NUFIP2: variants seen among roughly 807,000 people sequenced by gnomAD.
NUFIP2 encodes FMR1-interacting protein NUFIP2.
NUFIP2 carries 6 observed loss-of-function variants against 56.9 expected under a neutral mutation model. The observed-to-expected ratio is 0.11, with a 90% CI of 0.06 to 0.21. NUFIP2 has a LOEUF of 0.21. NUFIP2 is among the 10% of genes least tolerant of loss of function. The pLI is 1.00. For missense variants in NUFIP2, 828 were observed against 826.8 expected (o/e 1.00, Z -0.02); for synonymous variants, 321 against 298.2 (o/e 1.08, Z -0.79).
At chr17:29,272,051 C>A (rs1232201953) in intron 2 of NUFIP2, among the ~76,000 whole-genome samples, 1 of 102,044 alleles carries the variant, frequency 9.8e-6, no homozygotes, top group Non-Finnish European at 1.8e-5. Flanking sequence ...CCAGCTTGGG[C>A]AACAGAGTGA....
Position 29,287,593 on chromosome 17 carries a change from C to A in NUFIP2, c.401G>T (p.Ser134Ile). 6.2e-7 allele frequency: 1 copy of A among 1,614,088 alleles called. No individual in the cohort carries two copies. The highest frequency in any genetic ancestry group is 8.5e-7 in the Non-Finnish European group (1 of 1,180,026). ...LNGNQQVVDT[S>I]LKQTVKANTF... ...GTTGGCCTTTACAGTCTGCTTCAGG[C>A]TAGTGTCTACAACTTGCTGGTTGCC... The change falls in exon 2 of 4, where the codon AGC (serine) becomes ATC (isoleucine). Residue 134 changes from serine to isoleucine, a missense_variant. Transcript: ENST00000225388.
Position 29,260,659 on chromosome 17 carries a change from T to G in NUFIP2, c.*3880A>C, listed in dbSNP as rs909661953. On this transcript the variant is annotated 3_prime_UTR_variant, in exon 4 of 4. Coordinates refer to ENST00000225388, the MANE Select transcript of NUFIP2 (RefSeq NM_020772.3). ...AAGCAACAAGCCTAACAACCAAGTA[T>G]GATATTATCACTATGTAATGTTTTT... 2.0e-5 allele frequency: 3 copies of G among 152,212 alleles called. No homozygotes were observed. Among genetic ancestry groups the G allele is most frequent in the African/African-American group, 7.2e-5 (3 of 41,472 alleles). 9.4% of individuals were successfully genotyped at this position (152,212 alleles called of 1,614,324 possible).
In NUFIP2 at chr17:29,257,516, A is replaced by T. The variant is rs541674484; in HGVS notation, c.*7023T>A. 1 of 151,970 alleles carries T rather than the reference A, an allele frequency of 6.6e-6. No homozygotes were observed. Among genetic ancestry groups the T allele is most frequent in the East Asian group, 1.9e-4 (1 of 5,188 alleles). The allele number at this position is 151,970 out of a possible 1,614,324, so 9.4% of individuals were successfully genotyped here. A position where few individuals can be genotyped will look rare whatever the true frequency, so the allele number is the denominator to read the frequency against. On this transcript the variant is annotated 3_prime_UTR_variant, in exon 4 of 4. Transcript: ENST00000225388. ...ACAAGTCACATTAGGGAAAATTCAG[A>T]TCTTTTTTTTTTTTAATGACAAGAA...
In NUFIP2 at chr17:29,286,115, G is replaced by C. The variant is rs1299135868; in HGVS notation, c.1879C>G (p.Leu627Val). ...KDYEIESQNP[L>V]ASPTNTLLGS... ...AACAAAGTGTTCGTAGGAGAGGCCAGAGGATTTTGACTTTCTATCTCGTAG... is the reference window on the plus strand; with the variant it reads ...AACAAAGTGTTCGTAGGAGAGGCCACAGGATTTTGACTTTCTATCTCGTAG... The change falls in exon 2 of 4, where the codon CTG (leucine) becomes GTG (valine). Residue 627 changes from leucine to valine, a missense_variant. Coordinates refer to ENST00000225388, the MANE Select transcript of NUFIP2 (RefSeq NM_020772.3). 22 of 1,614,022 alleles carry C rather than the reference G, an allele frequency of 1.4e-5. No individual in the cohort carries two copies. The highest frequency in any genetic ancestry group is 1.9e-5 in the Non-Finnish European group (22 of 1,180,006).
intron 1 of NUFIP2, 61 bp downstream of exon 1, chr17:29,293,722 C>A: frequency 1.6e-6 from 2 of 1,287,910 alleles, no homozygotes; most frequent in Admixed American, 4.8e-5. Flanking sequence ...TCCAGCCCCA[C>A]CCCCATCTCT....
At chr17:29,275,319 T>C (rs7218403) in intron 2 of NUFIP2, among the ~76,000 whole-genome samples, 33,919 of 151,928 alleles carry the variant, frequency 0.22, 4,205 homozygotes, top group South Asian at 0.35. Context: ...CCACCATACC[T>C]GGCCTCTGAA....
In NUFIP2 at chr17:29,261,410, ATAAACACACAC is replaced by A. The variant is rs1567674051; in HGVS notation, c.*3118_*3128del. 3.4e-5 allele frequency: 5 copies of A among 147,464 alleles called. No homozygotes were observed. Among genetic ancestry groups the A allele is most frequent in the African/African-American group, 1.3e-4 (5 of 38,948 alleles). The allele number at this position is 147,464 out of a possible 1,614,324, so 9.1% of individuals were successfully genotyped here. A position where few individuals can be genotyped will look rare whatever the true frequency, so the allele number is the denominator to read the frequency against. On this transcript the variant is annotated 3_prime_UTR_variant, in exon 4 of 4. Transcript: ENST00000225388. Reference sequence around the variant, plus strand: ...TCCTCACACACACATACATACATACATAAACACACACACACACACACACCCCTTTTTCAGTC... The same window carrying A: ...TCCTCACACACACATACATACATACAACACACACACACCCCTTTTTCAGTC...
At chr17:29,265,655 T>C (rs1186503631) in intron 3 of NUFIP2, among the ~76,000 whole-genome samples, 2 of 143,264 alleles carry the variant, frequency 1.4e-5, no homozygotes, top group East Asian at 2.0e-4. Context: ...ATTATATATA[T>C]ACACACACAT....
chr17:29,264,641 G>T, intron 3 of NUFIP2, 50 bp from the exon 4 acceptor site: 1 of 1,169,130 alleles, frequency 8.6e-7, no homozygotes. Context: ...ATCTCAAAAT[G>T]CCCGTATTCC....
rs114766423 is a variant in NUFIP2 at position 29,294,016 on chromosome 17, C to G, written c.44G>C (p.Ser15Thr). ...PGQPQPQHHH[S>T]HHHPHHHPQQ... ...AGGGTGATGGTGCGGATGGTGGTGG[C>G]TGTGATGGTGCTGAGGCTGTGGCTG... Residue 15 changes from serine (S) to threonine (T), a missense_variant, in exon 1 of 4, where the codon AGC becomes ACC. Around this residue, in one of 3 missense-constraint regions of NUFIP2, gnomAD observed 415 missense variants for 408.7 expected, o/e 1.02. Coordinates refer to ENST00000225388, the MANE Select transcript of NUFIP2 (RefSeq NM_020772.3). 4.3e-6 allele frequency: 7 copies of G among 1,612,076 alleles called. No homozygotes were observed. The highest frequency in any genetic ancestry group is 1.7e-5 in the Admixed American group (1 of 59,926).
intron 2 of NUFIP2, among the ~76,000 whole-genome samples, chr17:29,271,515 C>T (rs1048838709): frequency 1.5e-4 from 22 of 148,230 alleles, no homozygotes; most frequent in South Asian, 1.3e-3. Context: ...CCAGCCTGGG[C>T]GAAAGAGCAA....
chr17:29,269,378 A>G (rs2069058005), intron 2 of NUFIP2, among the ~76,000 whole-genome samples: 2 of 152,176 alleles, frequency 1.3e-5, no homozygotes, highest in Non-Finnish European at 2.9e-5. Flanking sequence ...GTAGGACAAA[A>G]TAAGATACAG....
chr17:29,292,779 C>T (rs1213146816), intron 1 of NUFIP2, among the ~76,000 whole-genome samples: 1 of 149,464 alleles, frequency 6.7e-6, no homozygotes, highest in African/African-American at 2.4e-5. Flanking sequence ...CCGCTCCCCT[C>T]GTGGCCGCTT....
rs140720517 is a variant in NUFIP2, at chr17:29,280,065, G to A, written c.2002+5927C>T. On this transcript the variant is annotated intron_variant, in intron 2 of 3. Transcript: ENST00000225388. ...ACTCCTGACCTCAGGTGATCCACCC[G>A]CCTCAGCCTCCCAACGTGCTGGGAT... 8.2e-4 allele frequency among the ~76,000 whole-genome samples: 125 copies of A among 152,192 alleles called. No homozygotes were observed. The South Asian group carries it at 0.013, about 15-fold the overall frequency.
chr17:29,294,146 T>G lies in NUFIP2; in HGVS notation c.-87A>C, dbSNP rs977060704. 97 of 1,459,328 alleles carry G rather than the reference T, an allele frequency of 6.6e-5. No homozygotes were observed. Among genetic ancestry groups the G allele is most frequent in the Non-Finnish European group, 8.3e-5 (91 of 1,097,684 alleles). The allele number at this position is 1,459,328 out of a possible 1,614,324, so 90.4% of individuals were successfully genotyped here. A position where few individuals can be genotyped will look rare whatever the true frequency, so the allele number is the denominator to read the frequency against. On this transcript the variant is annotated 5_prime_UTR_variant, in exon 1 of 4. Coordinates refer to ENST00000225388, the MANE Select transcript of NUFIP2 (RefSeq NM_020772.3). ...TGCTTCTCAGGGCTCACTCAGTATA[T>G]CTGAGCGCGTCTCGCCAGCGCACTG...
intron 1 of NUFIP2, among the ~76,000 whole-genome samples, chr17:29,292,674 C>A (rs2153013120): frequency 6.7e-6 from 1 of 149,678 alleles, no homozygotes; most frequent in Non-Finnish European, 1.5e-5. Flanking sequence ...CTCTCAGCTC[C>A]GCTTCGAGGC....
In NUFIP2 at chr17:29,256,620, C is replaced by T. The variant is rs1415726588; in HGVS notation, c.*7919G>A. 6.6e-6 allele frequency: 1 copy of T among 151,534 alleles called. No individual in the cohort carries two copies. The highest frequency in any genetic ancestry group is 1.5e-5 in the Non-Finnish European group (1 of 67,908). The allele number at this position is 151,534 out of a possible 1,614,324, so 9.4% of individuals were successfully genotyped here. A position where few individuals can be genotyped will look rare whatever the true frequency, so the allele number is the denominator to read the frequency against. ...GGGAAAATGCTATCAGTAATATCTT[C>T]TACTTAAACATATTAGCCTCTCCTA... On this transcript the variant is annotated 3_prime_UTR_variant, in exon 4 of 4. Coordinates refer to ENST00000225388, the MANE Select transcript of NUFIP2 (RefSeq NM_020772.3).
At chr17:29,265,365 C>T (rs1414101543) in intron 3 of NUFIP2, among the ~76,000 whole-genome samples, 6 of 144,600 alleles carry the variant, frequency 4.1e-5, no homozygotes, top group Non-Finnish European at 7.6e-5. Context: ...TGCAGTGGCG[C>T]GATCTCGGCT....
intron 2 of NUFIP2, among the ~76,000 whole-genome samples, chr17:29,283,229 A>T (rs2069150953): frequency 6.6e-6 from 1 of 152,256 alleles, no homozygotes. Flanking sequence ...AAATGCATAA[A>T]GAGTAAATTC....
Sources: allele counts gnomAD v4.1 joint callset (sites outside exome capture counted in the v4.1 genomes callset), GRCh38; gene constraint gnomAD v4.1.1; regional missense constraint gnomAD v4.1.1; transcripts MANE v1.5; gene names NCBI Gene and HGNC (gene_info 2026-07-23, HGNC 2026-07-21).